The following PDE8A variants were observed in gnomAD, a reference collection of about 807,000 sequenced individuals.
The protein encoded by PDE8A is phosphodiesterase 8A.
In PDE8A, 59 loss-of-function variants were observed where a neutral mutation model predicts 105.0. That is an observed-to-expected ratio of 0.56 (90% CI 0.46 to 0.70). The LOEUF (loss-of-function observed/expected upper bound fraction) is 0.70, where lower values mean the gene tolerates loss of function less well. Ranked by LOEUF, PDE8A falls within the 30% of genes least tolerant of loss-of-function variation. The pLI is 0.00. For missense variants in PDE8A, 1,014 were observed against 1,045.9 expected (o/e 0.97, Z 0.42); for synonymous variants, 355 against 371.9 (o/e 0.95, Z 0.52).
chr15:85,042,763 A>G (rs1052610534), intron 1 of PDE8A, among the ~76,000 whole-genome samples: 7 of 152,204 alleles, frequency 4.6e-5, no homozygotes, highest in Non-Finnish European at 8.8e-5. Flanking sequence ...TGTGGCGGGT[A>G]CTGCACAGAG....
intron 1 of PDE8A, among the ~76,000 whole-genome samples, chr15:84,984,122 G>A (rs935001880): frequency 6.6e-6 from 1 of 152,182 alleles, no homozygotes; most frequent in African/African-American, 2.4e-5. Context: ...TTCAGTCATT[G>A]GAATTTGATT....
intron 20 of PDE8A, 149 bp downstream of exon 20, chr15:85,126,523 AT>A (rs917397817): frequency 3.7e-4 from 167 of 453,872 alleles, no homozygotes; most frequent in South Asian, 1.0e-3. Flanking sequence ...CTGGTAACAA[AT>A]TTTTTTTTTC....
intron 1 of PDE8A, among the ~76,000 whole-genome samples, chr15:85,062,057 T>G (rs1415846690): frequency 6.6e-6 from 1 of 152,240 alleles, no homozygotes; most frequent in Admixed American, 6.5e-5. Flanking sequence ...GAAGTTGTTG[T>G]AAAGTCTTTG....
chr15:85,125,973 C>T (rs976662981), intron 19 of PDE8A, among the ~76,000 whole-genome samples: 18 of 152,050 alleles, frequency 1.2e-4, no homozygotes, highest in East Asian at 1.9e-4. Flanking sequence ...TATACCAACC[C>T]CTAGTGCTAC....
chr15:85,018,325 A>G (rs917353646), intron 1 of PDE8A, among the ~76,000 whole-genome samples: 3 of 152,152 alleles, frequency 2.0e-5, no homozygotes, highest in African/African-American at 7.2e-5. Flanking sequence ...AAGTCACCAC[A>G]CTCATTTACT....
At chr15:84,992,435 A>G (rs749103324) in intron 1 of PDE8A, among the ~76,000 whole-genome samples, 3 of 152,212 alleles carry the variant, frequency 2.0e-5, no homozygotes, top group Non-Finnish European at 2.9e-5. Context: ...CGGGAGGTCT[A>G]AAAGCCAGGT....
intron 4 of PDE8A, 77 bp downstream of exon 4, chr15:85,075,995 C>A: frequency 1.3e-6 from 1 of 769,852 alleles, no homozygotes; most frequent in South Asian, 1.7e-5. Flanking sequence ...CAAATAACAG[C>A]TTGCATGCTG....
At chr15:85,014,382 C>T (rs2080289834) in intron 1 of PDE8A, among the ~76,000 whole-genome samples, 1 of 152,118 alleles carries the variant, frequency 6.6e-6, no homozygotes, top group Non-Finnish European at 1.5e-5. Context: ...TCTCTCATTA[C>T]TTTTTCATTT....
chr15:85,120,173 G>T (rs2082159671), intron 17 of PDE8A: 1 of 151,384 alleles, frequency 6.6e-6, no homozygotes, highest in African/African-American at 2.4e-5. Context: ...CAATAACATG[G>T]AAGTAATTTT....
intron 11 of PDE8A, among the ~76,000 whole-genome samples, chr15:85,105,372 T>C (rs2081932443): frequency 6.6e-6 from 1 of 152,064 alleles, no homozygotes. Context: ...TTGTTGATAG[T>C]GCCTGAGGAG....
At chr15:85,061,679 A>G (rs1383159166) in intron 1 of PDE8A, among the ~76,000 whole-genome samples, 7 of 152,048 alleles carry the variant, frequency 4.6e-5, no homozygotes, top group African/African-American at 9.7e-5. Flanking sequence ...TATTTTCTTC[A>G]TACATTTTTT....
chr15:85,093,693 G>A (rs886777683), intron 8 of PDE8A, among the ~76,000 whole-genome samples: 1 of 152,184 alleles, frequency 6.6e-6, no homozygotes, highest in Non-Finnish European at 1.5e-5. Context: ...TAACAGGTAT[G>A]TTGATTTCCA....
intron 1 of PDE8A, among the ~76,000 whole-genome samples, chr15:85,061,807 C>A (rs890625032): frequency 6.6e-6 from 1 of 151,992 alleles, no homozygotes; most frequent in South Asian, 2.1e-4. Flanking sequence ...TTTCTCTTTC[C>A]CAGACTCGAT....
At chr15:85,003,315 C>T (rs1448633218) in intron 1 of PDE8A, among the ~76,000 whole-genome samples, 1 of 152,156 alleles carries the variant, frequency 6.6e-6, no homozygotes, top group Non-Finnish European at 1.5e-5. Context: ...TAGCTCCTGG[C>T]CTCACATTTT....
intron 19 of PDE8A, among the ~76,000 whole-genome samples, chr15:85,125,358 T>C (rs2082243088): frequency 6.6e-6 from 1 of 152,192 alleles, no homozygotes; most frequent in African/African-American, 2.4e-5. Flanking sequence ...TCTTTTTCAT[T>C]GCTCTCTGCC....
At chr15:85,032,671 A>G (rs1216239555) in intron 1 of PDE8A, among the ~76,000 whole-genome samples, 1 of 152,206 alleles carries the variant, frequency 6.6e-6, no homozygotes, top group African/African-American at 2.4e-5. Context: ...TCTCTTGAGT[A>G]TCATATAACT....
chr15:85,066,519 A>G (rs945808076), intron 2 of PDE8A, among the ~76,000 whole-genome samples: 1 of 151,264 alleles, frequency 6.6e-6, no homozygotes, highest in African/African-American at 2.4e-5. Context: ...AGCTGACATC[A>G]CACCACTGTA....
At chr15:84,990,019 AC>A (rs2079861692) in intron 1 of PDE8A, among the ~76,000 whole-genome samples, 1 of 152,098 alleles carries the variant, frequency 6.6e-6, no homozygotes, top group Non-Finnish European at 1.5e-5. Flanking sequence ...AGTATACTCA[AC>A]CCCTAAATAT....
At chr15:85,098,915 C>G (rs2141558776) in intron 9 of PDE8A, among the ~76,000 whole-genome samples, 1 of 151,714 alleles carries the variant, frequency 6.6e-6, no homozygotes, top group East Asian at 1.9e-4. Flanking sequence ...TATGATCATG[C>G]CACTGTACTC....
Sources: allele counts gnomAD v4.1 joint callset (sites outside exome capture counted in the v4.1 genomes callset), GRCh38; gene constraint gnomAD v4.1.1; transcripts MANE v1.5; gene names NCBI Gene and HGNC (gene_info 2026-07-23, HGNC 2026-07-21).